MYT1L: variants seen among roughly 807,000 people sequenced by gnomAD.
MYT1L encodes myelin transcription factor 1 like.
Under a neutral mutation model 126.7 loss-of-function variants are expected in MYT1L, and 12 were observed. The observed-to-expected ratio is 0.09, with a 90% CI of 0.06 to 0.15. The LOEUF is 0.15. Ranked by LOEUF, MYT1L falls within the 10% of genes least tolerant of loss-of-function variation. The pLI is 1.00. For synonymous variants in MYT1L, 541 were observed against 604.2 expected (o/e 0.90, Z 1.53); for missense variants, 979 against 1,585.2 (o/e 0.62, Z 6.49).
intron 2 of MYT1L, among the ~76,000 whole-genome samples, chr2:2,179,403 C>T (rs1278167418): frequency 2.0e-5 from 3 of 152,304 alleles, no homozygotes; most frequent in South Asian, 2.1e-4. Context: ...TACCAGACCC[C>T]GAAACCTGTT....
chr2:1,805,150 T>C (rs1477507885), intron 22 of MYT1L, among the ~76,000 whole-genome samples: 1 of 152,164 alleles, frequency 6.6e-6, no homozygotes, highest in East Asian at 1.9e-4. Context: ...GTGATCCTTG[T>C]TGGGCAGAGA....
intron 2 of MYT1L, among the ~76,000 whole-genome samples, chr2:2,198,944 C>T (rs749756609): frequency 1.4e-4 from 22 of 152,090 alleles, no homozygotes; most frequent in Non-Finnish European, 2.4e-4. Flanking sequence ...TGAAACATCA[C>T]ACCATATTCC....
At chr2:2,103,316 A>G (rs2078328296) in intron 3 of MYT1L, among the ~76,000 whole-genome samples, 1 of 152,204 alleles carries the variant, frequency 6.6e-6, no homozygotes, top group Non-Finnish European at 1.5e-5. Context: ...GCTCCTCTGC[A>G]GTGCTTAATC....
intron 8 of MYT1L, among the ~76,000 whole-genome samples, chr2:1,948,643 G>A (rs928677242): frequency 6.6e-5 from 10 of 152,204 alleles, no homozygotes; most frequent in African/African-American, 1.9e-4. Flanking sequence ...GGAAAGAGAG[G>A]AGGATGTGGG....
intron 2 of MYT1L, among the ~76,000 whole-genome samples, chr2:2,211,862 A>C (rs1211590017): frequency 6.6e-6 from 1 of 151,806 alleles, no homozygotes; most frequent in Non-Finnish European, 1.5e-5. Context: ...AGAACATTAT[A>C]ACAAGCAGAA....
chr2:2,001,577 T>C (rs1305805782), intron 4 of MYT1L, among the ~76,000 whole-genome samples: 1 of 152,188 alleles, frequency 6.6e-6, no homozygotes, highest in Non-Finnish European at 1.5e-5. Flanking sequence ...ATTGTCCCTG[T>C]TCCTCACAAC....
At chr2:1,814,901 G>C (rs751088103) in intron 21 of MYT1L, among the ~76,000 whole-genome samples, 7 of 152,174 alleles carry the variant, frequency 4.6e-5, no homozygotes, top group Non-Finnish European at 1.0e-4. Context: ...CAACCTAGGA[G>C]CTCCAGGGAG....
chr2:2,005,006 GCC>G (rs1473332265), intron 4 of MYT1L, among the ~76,000 whole-genome samples: 2 of 143,436 alleles, frequency 1.4e-5, no homozygotes, highest in Admixed American at 6.8e-5. Context: ...TTTCCTGCAT[GCC>G]TTCTTTCCTG....
At chr2:1,939,012 C>T (rs921860935) in intron 9 of MYT1L, among the ~76,000 whole-genome samples, 1 of 152,166 alleles carries the variant, frequency 6.6e-6, no homozygotes, top group African/African-American at 2.4e-5. Flanking sequence ...TGAAAATACC[C>T]GACTGGATGA....
At chr2:2,205,087 G>A (rs866154700) in intron 2 of MYT1L, among the ~76,000 whole-genome samples, 4 of 121,280 alleles carry the variant, frequency 3.3e-5, no homozygotes, top group Non-Finnish European at 4.8e-5. Flanking sequence ...ACAGGAAGGG[G>A]AACATCACAT....
chr2:1,873,175 G>A (rs1267220572), intron 18 of MYT1L, among the ~76,000 whole-genome samples: 2 of 152,052 alleles, frequency 1.3e-5, no homozygotes, highest in South Asian at 2.1e-4. Context: ...ATGTTTCCAG[G>A]CCTTTAAGGA....
At chr2:1,987,418 A>G (rs1368613666) in intron 5 of MYT1L, among the ~76,000 whole-genome samples, 1 of 151,010 alleles carries the variant, frequency 6.6e-6, no homozygotes, top group Non-Finnish European at 1.5e-5. Context: ...GCCGGAGTGG[A>G]GGTGCAGCGT....
chr2:2,297,391 A>G (rs1376797646), intron 1 of MYT1L, among the ~76,000 whole-genome samples: 3 of 152,210 alleles, frequency 2.0e-5, no homozygotes, highest in Non-Finnish European at 2.9e-5. Context: ...CAGGGGCGTA[A>G]GCCAGGCCCA....
intron 4 of MYT1L, among the ~76,000 whole-genome samples, chr2:2,018,964 T>A (rs1052890301): frequency 6.6e-5 from 10 of 152,302 alleles, no homozygotes; most frequent in African/African-American, 2.4e-4. Context: ...ATGGAGAGGA[T>A]GGTTTTGACT....
At chr2:2,186,073 C>T (rs1354695725) in intron 2 of MYT1L, among the ~76,000 whole-genome samples, 2 of 134,434 alleles carry the variant, frequency 1.5e-5, no homozygotes, top group Non-Finnish European at 3.1e-5. Context: ...GCCCGCGTTC[C>T]TTCCGTGAGG....
intron 16 of MYT1L, among the ~76,000 whole-genome samples, chr2:1,888,508 T>C (rs1462576553): frequency 1.3e-5 from 2 of 152,240 alleles, no homozygotes; most frequent in Non-Finnish European, 2.9e-5. Context: ...TGTAAGACAC[T>C]AGTGCTTCGA....
intron 2 of MYT1L, among the ~76,000 whole-genome samples, chr2:2,279,549 G>GGA: frequency 6.9e-6 from 1 of 144,078 alleles, no homozygotes; most frequent in African/African-American, 2.5e-5. Context: ...GAGAGAGAAA[G>GGA]AGAGAAGGAA....
intron 3 of MYT1L, among the ~76,000 whole-genome samples, chr2:2,094,495 T>G (rs1442796678): frequency 6.6e-6 from 1 of 152,098 alleles, no homozygotes; most frequent in Non-Finnish European, 1.5e-5. Flanking sequence ...CGGCACTATT[T>G]ACAATAGCAA....
At chr2:2,176,751 G>A (rs1572156772) in intron 2 of MYT1L, among the ~76,000 whole-genome samples, 2 of 152,006 alleles carry the variant, frequency 1.3e-5, no homozygotes, top group Non-Finnish European at 2.9e-5. Flanking sequence ...TGCCTGCCTC[G>A]GCCTCCCAAA....
Sources: allele counts gnomAD v4.1 joint callset (sites outside exome capture counted in the v4.1 genomes callset), GRCh38; gene constraint gnomAD v4.1.1; transcripts MANE v1.5; gene names NCBI Gene and HGNC (gene_info 2026-07-23, HGNC 2026-07-21).